Variants in CDH2 observed in about 807,000 individuals in gnomAD.
CDH2 encodes the protein cadherin-2.
In CDH2, 17 loss-of-function variants were observed where a neutral mutation model predicts 92.0. The ratio of observed to expected loss-of-function variants is 0.18; its 90% CI spans 0.13 to 0.28. The LOEUF (loss-of-function observed/expected upper bound fraction) is 0.28. Ranked by LOEUF, CDH2 falls within the 10% of genes least tolerant of loss-of-function variation. The pLI, the probability that CDH2 is intolerant of heterozygous loss-of-function variation, is 1.00. For synonymous variants in CDH2, 419 were observed against 415.9 expected, an observed-to-expected ratio of 1.01 and a Z score of -0.09; for missense variants, 862 against 1,133.1, an observed-to-expected ratio of 0.76 and a Z score of 3.44.
chr18:28,008,881 T>C (rs951372082), intron 5 of CDH2, among the ~76,000 whole-genome samples: 1 of 152,104 alleles, frequency 6.6e-6, no homozygotes, highest in African/African-American at 2.4e-5. Flanking sequence ...AGTGATTAAG[T>C]GTAGATGATG....
intron 2 of CDH2, among the ~76,000 whole-genome samples, chr18:28,091,247 A>G (rs951835026): frequency 2.0e-5 from 3 of 152,218 alleles, no homozygotes; most frequent in Non-Finnish European, 4.4e-5. Context: ...AGCAAAGGTG[A>G]TAAAACTGTA....
intron 14 of CDH2, among the ~76,000 whole-genome samples, chr18:27,970,713 A>G (rs564009319): frequency 6.6e-6 from 1 of 152,330 alleles, no homozygotes; most frequent in East Asian, 1.9e-4. Flanking sequence ...CATTGATTAA[A>G]TCCGTCTATA....
intron 2 of CDH2, among the ~76,000 whole-genome samples, chr18:28,043,313 G>A (rs1184968415): frequency 1.3e-5 from 2 of 151,430 alleles, no homozygotes; most frequent in East Asian, 3.9e-4. Context: ...GGGAAGGGTG[G>A]GAGGCGGGTG....
At chr18:28,056,668 C>A (rs2014299653) in intron 2 of CDH2, among the ~76,000 whole-genome samples, 1 of 152,026 alleles carries the variant, frequency 6.6e-6, no homozygotes, top group Non-Finnish European at 1.5e-5. Flanking sequence ...TCAAACTTCC[C>A]AAAAGGAAAT....
chr18:28,068,412 G>T (rs2014551142), intron 2 of CDH2, among the ~76,000 whole-genome samples: 2 of 148,836 alleles, frequency 1.3e-5, no homozygotes, highest in African/African-American at 4.9e-5. Flanking sequence ...GAAGCTCAAA[G>T]GTTAAGTTAA....
At chr18:28,025,524 A>AAAT (rs917493757) in intron 2 of CDH2, among the ~76,000 whole-genome samples, 2 of 150,010 alleles carry the variant, frequency 1.3e-5, no homozygotes, top group South Asian at 2.1e-4. Context: ...TCCAGAAAAA[A>AAAT]AATAATAATA....
Position 28,177,108 on chromosome 18 carries a change from C to A in CDH2, c.-86G>T. 9.9e-7 allele frequency: 1 copy of A among 1,013,588 alleles called. No individual in the cohort carries two copies. The highest frequency in any genetic ancestry group is 1.4e-6 in the Non-Finnish European group (1 of 710,958). 62.8% of individuals were successfully genotyped at this position (1,013,588 alleles called of 1,614,324 possible). ...GAGGAGGAGGAGGCAGCGGCAGCAC[C>A]AACAGCGGCGCGGAGAAACGGCTCC... is the stretch of plus-strand genomic sequence containing the variant. On this transcript the variant is annotated 5_prime_UTR_variant, in exon 1 of 16. Coordinates refer to ENST00000269141, the MANE Select transcript of CDH2 (RefSeq NM_001792.5).
intron 2 of CDH2, chr18:28,146,175 G>A (rs967843498): frequency 6.6e-6 from 1 of 151,668 alleles, no homozygotes; most frequent in Non-Finnish European, 1.5e-5. Context: ...CAAATTATAA[G>A]CTTTTAGAAA....
intron 1 of CDH2, among the ~76,000 whole-genome samples, chr18:28,169,758 A>C (rs1448444502): frequency 1.3e-5 from 2 of 152,214 alleles, no homozygotes; most frequent in African/African-American, 4.8e-5. Context: ...CCATATGTAT[A>C]ATAGCAACTC....
chr18:28,136,466 C>T (rs570473198), intron 2 of CDH2, among the ~76,000 whole-genome samples: 7 of 151,114 alleles, frequency 4.6e-5, no homozygotes, highest in Non-Finnish European at 8.8e-5. Flanking sequence ...TCAGAGTTTA[C>T]TCATCTCCTT....
At chr18:28,043,495 A>AAAT (rs2014001979) in intron 2 of CDH2, among the ~76,000 whole-genome samples, 32 of 87,354 alleles carry the variant, frequency 3.7e-4, no homozygotes, top group Admixed American at 8.1e-4. Context: ...TATATATATA[A>AAAT]ATATATATAT....
At chr18:27,936,923 T>C (rs533711345) in intron 6 of CDH2, among the ~76,000 whole-genome samples, 2 of 152,290 alleles carry the variant, frequency 1.3e-5, no homozygotes, top group South Asian at 4.1e-4. Context: ...GTTATGAAAG[T>C]AAAACACTCT....
chr18:27,950,698 C>T (rs1204476101), downstream of CDH2, among the ~76,000 whole-genome samples: 1 of 151,974 alleles, frequency 6.6e-6, no homozygotes, highest in Admixed American at 6.6e-5. Context: ...GAATTAACAC[C>T]GAAGTTCACT....
chr18:28,068,563 G>A (rs1322601630), intron 2 of CDH2, among the ~76,000 whole-genome samples: 1 of 152,154 alleles, frequency 6.6e-6, no homozygotes, highest in Non-Finnish European at 1.5e-5. Context: ...AGCTTATAAT[G>A]CAGATATTCT....
At chr18:28,067,192 GTTAC>G (rs1288005610) in intron 2 of CDH2, among the ~76,000 whole-genome samples, 1 of 152,064 alleles carries the variant, frequency 6.6e-6, no homozygotes, top group Non-Finnish European at 1.5e-5. Flanking sequence ...ATTTTCTAGT[GTTAC>G]TGACTAACAG....
At position 27,945,694 on chromosome 18, in the gene CDH2, G is replaced by A. The variant is rs139330826; in HGVS notation, c.1152-12570C>T. ...TGGTGACCTGGAGATACCCTGAAGA[G>A]CTGTGGGAACAACCAGTGAGAGCCT... On this transcript the variant is annotated intron_variant, in intron 6 of 6. Coordinates refer to the CDH2 transcript ENST00000675173. Among the ~76,000 whole-genome samples, 735 of 152,216 alleles carry A rather than the reference G, an allele frequency of 4.8e-3. 4 individuals carry two copies. The highest frequency in any genetic ancestry group is 0.016 in the African/African-American group (658 of 41,524).
chr18:28,130,044 A>G (rs1001478556), intron 2 of CDH2, among the ~76,000 whole-genome samples: 1 of 152,176 alleles, frequency 6.6e-6, no homozygotes, highest in African/African-American at 2.4e-5. Flanking sequence ...TTCCATTTGT[A>G]AAACAGATAC....
chr18:28,165,124 A>C (rs927681874), intron 1 of CDH2, among the ~76,000 whole-genome samples: 18 of 152,252 alleles, frequency 1.2e-4, no homozygotes, highest in Non-Finnish European at 1.9e-4. Context: ...ACCAGGTCCC[A>C]AAATCTTCAA....
At chr18:28,155,133 G>A (rs997372519) in intron 1 of CDH2, among the ~76,000 whole-genome samples, 5 of 152,082 alleles carry the variant, frequency 3.3e-5, no homozygotes, top group Admixed American at 6.6e-5. Context: ...GGAAATAAGG[G>A]CAATAATGGG....
Sources: allele counts gnomAD v4.1 joint callset (sites outside exome capture counted in the v4.1 genomes callset), GRCh38; gene constraint gnomAD v4.1.1; transcripts MANE v1.5; gene names NCBI Gene and HGNC (gene_info 2026-07-23, HGNC 2026-07-21).